The following NSMAF variants were observed in gnomAD, a reference collection of about 807,000 sequenced individuals.
The protein encoded by NSMAF is neutral sphingomyelinase activation associated factor.
Under a neutral mutation model 134.9 loss-of-function variants are expected in NSMAF, and 90 were observed. The ratio of observed to expected loss-of-function variants is 0.67; its 90% CI spans 0.56 to 0.79. NSMAF has a LOEUF of 0.79. NSMAF is among the 30% of genes least tolerant of loss of function. The pLI is 0.00. For missense variants in NSMAF, 1,010 were observed against 1,119.0 expected (o/e 0.90, Z 1.39); for synonymous variants, 358 against 389.6 (o/e 0.92, Z 0.96).
chr8:58,593,992 G>A (rs1419195544), intron 23 of NSMAF, among the ~76,000 whole-genome samples: 4 of 152,194 alleles, frequency 2.6e-5, no homozygotes, highest in Non-Finnish European at 5.9e-5. Context: ...TGGAAAGGAG[G>A]CTGTTTCTGT....
rs542489005 is a variant in NSMAF, at chr8:58,583,925, G to A, written c.*181C>T. 1.3e-4 allele frequency: 77 copies of A among 607,864 alleles called. No individual in the cohort carries two copies. Among genetic ancestry groups the A allele is most frequent in the Non-Finnish European group, 2.1e-4 (70 of 340,682 alleles). The allele number at this position is 607,864 out of a possible 1,614,324, so 37.7% of individuals were successfully genotyped here. ...CACAGCCGCATTTTATCTGCCCTAA[G>A]AGAATAGCAACTAATGGCTTTCAAT... On this transcript the variant is annotated 3_prime_UTR_variant, in exon 31 of 31. Transcript: ENST00000038176.
chr8:58,626,873 A>T (rs1328199968), intron 6 of NSMAF, among the ~76,000 whole-genome samples: 1 of 152,132 alleles, frequency 6.6e-6, no homozygotes, highest in Non-Finnish European at 1.5e-5. Flanking sequence ...AACGTCTATT[A>T]TTTTTTGACT....
intron 5 of NSMAF, among the ~76,000 whole-genome samples, chr8:58,634,724 A>T (rs574640181): frequency 1.3e-5 from 2 of 152,334 alleles, no homozygotes; most frequent in Admixed American, 1.3e-4. Flanking sequence ...GCCTATATTG[A>T]GTGCAGTGGT....
chr8:58,590,808 T>C (rs143673373), intron 24 of NSMAF, 59 bp downstream of exon 24: 2 of 1,462,168 alleles, frequency 1.4e-6, no homozygotes, highest in African/African-American at 1.4e-5. Context: ...ATTGTATGGG[T>C]GTGTATAAAA....
rs144608080 is a variant in NSMAF at position 58,607,807 on chromosome 8, G to C, written c.721C>G (p.Arg241Gly). ...PVVQITLQDV[R>G]RIYKRRHGLM... ...CCGTGCCTCCTTTTGTAGATGCGGC[G>C]GACATCTTGGAGTGTTATCTGGACC... Residue 241 changes from arginine (R) to glycine (G), a missense_variant, in exon 11 of 31, where the codon CGC (arginine) becomes GGC (glycine). By Grantham distance (125) the Arg-to-Gly change is moderately radical (BLOSUM62 -2). Coordinates refer to ENST00000038176, the MANE Select transcript of NSMAF (RefSeq NM_003580.4). 6 of 1,614,126 alleles carry C rather than the reference G, an allele frequency of 3.7e-6. No homozygotes were observed. The East Asian group carries it at 1.1e-4, about 30-fold the overall frequency.
chr8:58,635,101 C>T, intron 5 of NSMAF, 88 bp downstream of exon 5: 1 of 979,110 alleles, frequency 1.0e-6, no homozygotes, highest in East Asian at 2.4e-5. Context: ...CCATGGTCTT[C>T]ATCTGATATC....
At position 58,635,369 on chromosome 8, in the gene NSMAF, G is replaced by A. The variant is rs1297332786; in HGVS notation, c.232C>T (p.Pro78Ser). The part of the protein sequence containing the change: ...DSISQPIIKI[P>S]LRDCIKIGKH... Reference sequence around the variant, plus strand: ...CCTATTTTTATACAGTCTCTCAAAGGAATCTGGATAAAATTGAGAGAAATA... The same window carrying A: ...CCTATTTTTATACAGTCTCTCAAAGAAATCTGGATAAAATTGAGAGAAATA... The change falls in exon 4 of 31, where the codon CCT becomes TCT. Residue 78 changes from proline (P) to serine (S), a missense_variant. Physicochemically the swap from Pro to Ser is moderately conservative, Grantham distance 74. Coordinates refer to ENST00000038176, the MANE Select transcript of NSMAF (RefSeq NM_003580.4). 1 of 1,600,762 alleles carries A rather than the reference G, an allele frequency of 6.2e-7. No individual in the cohort carries two copies. The highest frequency in any genetic ancestry group is 8.5e-7 in the Non-Finnish European group (1 of 1,174,984).
intron 1 of NSMAF, among the ~76,000 whole-genome samples, chr8:58,654,953 G>C (rs554896216): frequency 2.4e-4 from 37 of 152,116 alleles, no homozygotes; most frequent in African/African-American, 8.7e-4. Flanking sequence ...TCTTGTCTCA[G>C]TCTCCCGAGT....
chr8:58,600,083 T>A, intron 16 of NSMAF, 62 bp from the exon 17 acceptor site: 2 of 1,248,374 alleles, frequency 1.6e-6, no homozygotes, highest in Non-Finnish European at 2.3e-6. Context: ...CAGCATTTCC[T>A]ATGCACTTGG....
chr8:58,659,653 G>T lies in NSMAF; in HGVS notation c.-22C>A, dbSNP rs1421697763. The T allele has an allele frequency of 1.4e-6, 2 of 1,413,740 alleles. No individual in the cohort carries two copies. Among genetic ancestry groups the T allele is most frequent in the East Asian group, 6.0e-5 (2 of 33,222 alleles). The allele number at this position is 1,413,740 out of a possible 1,614,324, so 87.6% of individuals were successfully genotyped here. A position where few individuals can be genotyped will look rare whatever the true frequency, so the allele number is the denominator to read the frequency against. ...CCATGGAGGGTAGGCGCGGGCGGGCGCAGAGCGCACAGGCAGGCCCCGCCG... is the reference window on the plus strand; with the variant it reads ...CCATGGAGGGTAGGCGCGGGCGGGCTCAGAGCGCACAGGCAGGCCCCGCCG... On this transcript the variant is annotated 5_prime_UTR_variant, in exon 1 of 31. Transcript: ENST00000038176.
Position 58,602,090 on chromosome 8 carries a change from C to CCAGT in NSMAF, c.1092_1093insACTG (p.Ala365ThrfsTer5). 1 of 1,613,570 alleles carries CCAGT rather than the reference C, an allele frequency of 6.2e-7. No homozygotes were observed. Among genetic ancestry groups the CCAGT allele is most frequent in the Non-Finnish European group, 8.5e-7 (1 of 1,179,586 alleles). On this transcript the variant is annotated frameshift_variant, in exon 14 of 31. Coordinates refer to ENST00000038176, the MANE Select transcript of NSMAF (RefSeq NM_003580.4). LOFTEE classifies it high-confidence loss of function. ...CTCTCCAGCCGTTCCTTATTTAGGG[C>CCAGT]CCCTACTGGCTTACTGAGATCCCGG...
At chr8:58,644,146 C>CTTAA (rs1807393600) in intron 1 of NSMAF, among the ~76,000 whole-genome samples, 2 of 152,104 alleles carry the variant, frequency 1.3e-5, no homozygotes, top group South Asian at 4.1e-4. Flanking sequence ...TGAGATGGGC[C>CTTAA]TTAAGTTCCA....
chr8:58,654,066 G>A (rs1360051297), intron 1 of NSMAF, among the ~76,000 whole-genome samples: 1 of 152,128 alleles, frequency 6.6e-6, no homozygotes, highest in Non-Finnish European at 1.5e-5. Context: ...TTAAGTCACA[G>A]TCGGATAGAT....
intron 5 of NSMAF, among the ~76,000 whole-genome samples, chr8:58,633,485 G>C (rs981211080): frequency 3.3e-5 from 5 of 152,148 alleles, no homozygotes; most frequent in Non-Finnish European, 7.3e-5. Context: ...CTTCTGTCTT[G>C]CTTTCATTTT....
chr8:58,646,507 T>C (rs1807456833), intron 1 of NSMAF, among the ~76,000 whole-genome samples: 1 of 152,222 alleles, frequency 6.6e-6, no homozygotes, highest in Admixed American at 6.5e-5. Flanking sequence ...CCTTAATTTA[T>C]CAATATGCAT....
rs145049734 is a variant in NSMAF, at chr8:58,643,086, C to T, written c.60-13G>A. On this transcript the variant is annotated splice_polypyrimidine_tract_variant and intron_variant, in intron 1 of 30. Coordinates refer to ENST00000038176, the MANE Select transcript of NSMAF (RefSeq NM_003580.4). ...CAGCAAGGAAAATCTGGATTTGGGG[C>T]GAAAAAACAACTTTCAGTTTATTTT... is the stretch of plus-strand genomic sequence containing the variant. 20,680 of 1,600,730 alleles carry T rather than the reference C, an allele frequency of 0.013. 168 individuals carry two copies. The highest frequency in any genetic ancestry group is 0.019 in the Middle Eastern group (113 of 6,042).
intron 1 of NSMAF, among the ~76,000 whole-genome samples, chr8:58,654,180 C>A (rs1807649039): frequency 6.6e-6 from 1 of 152,218 alleles, no homozygotes; most frequent in Non-Finnish European, 1.5e-5. Context: ...TCTGAAAAGA[C>A]TGGGATGATA....
At chr8:58,616,457 AAATC>A (rs1223950236) in intron 9 of NSMAF, among the ~76,000 whole-genome samples, 1 of 152,192 alleles carries the variant, frequency 6.6e-6, no homozygotes, top group Admixed American at 6.5e-5. Flanking sequence ...ACATTGAAAA[AAATC>A]AATCAATGTA....
At chr8:58,653,508 A>G (rs1211390727) in intron 1 of NSMAF, among the ~76,000 whole-genome samples, 2 of 152,134 alleles carry the variant, frequency 1.3e-5, no homozygotes, top group Admixed American at 6.5e-5. Flanking sequence ...ATACAAAGCA[A>G]ATAACCAGAA....
Sources: gnomAD v4.1 joint callset for allele counts (sites outside exome capture counted in the v4.1 genomes callset) on GRCh38, gnomAD v4.1.1 for gene constraint, MANE v1.5 for transcripts, NCBI Gene and HGNC (gene_info 2026-07-23, HGNC 2026-07-21) for gene names.